The following CARS2 variants were observed in gnomAD, a reference collection of about 807,000 sequenced individuals.
CARS2 encodes the protein probable cysteine--tRNA ligase, mitochondrial.
A neutral mutation model predicts 68.8 loss-of-function variants in CARS2; 52 were observed. That is an observed-to-expected ratio of 0.76 (90% CI 0.61 to 0.95). The LOEUF is 0.95. CARS2 is among the 40% of genes least tolerant of loss of function. CARS2 has a pLI of 0.00. For synonymous variants in CARS2, 314 were observed against 303.6 expected (o/e 1.03, Z -0.36); for missense variants, 780 against 754.2 (o/e 1.03, Z -0.40).
intron 13 of CARS2, chr13:110,643,200 C>G (rs1358254359): frequency 1.7e-5 from 3 of 179,806 alleles, no homozygotes; most frequent in Admixed American, 5.5e-5. Context: ...AGACATTGGG[C>G]CTTGCGGCCA....
intron 7 of CARS2, among the ~76,000 whole-genome samples, chr13:110,669,746 C>G (rs947735275): frequency 6.6e-6 from 1 of 152,032 alleles, no homozygotes; most frequent in African/African-American, 2.4e-5. Flanking sequence ...GAGTGTGAGC[C>G]GAAGCAGGGT....
At chr13:110,667,536 C>T (rs949584435) in intron 7 of CARS2, 63 bp from the exon 8 acceptor site, 4 of 1,506,934 alleles carry the variant, frequency 2.7e-6, no homozygotes, top group African/African-American at 1.4e-5. Flanking sequence ...CTTCTAACCT[C>T]GTCTATTTAT....
chr13:110,646,066 C>T lies in CARS2; in HGVS notation c.1218G>A (p.Val406=), dbSNP rs144612077. The T allele has an allele frequency of 1.2e-6, 2 of 1,613,708 alleles. No individual in the cohort carries two copies. The highest frequency in any genetic ancestry group is 2.7e-5 in the African/African-American group (2 of 74,922). Residue 406 remains valine (V), a synonymous_variant, in exon 12 of 15, where the codon GTG becomes GTA. Coordinates refer to ENST00000257347, the MANE Select transcript of CARS2 (RefSeq NM_024537.4). ...WERLSSTKRA[V]KAALADDFDT... ...CAAAATCATCTGCCAAGGCCGCCTT[C>T]ACGGCCCTCTTGGTGCTGGAGAGCC...
intron 3 of CARS2, chr13:110,688,834 C>T (rs1566326284): frequency 1.9e-5 from 3 of 156,912 alleles, no homozygotes; most frequent in Admixed American, 6.5e-5. Context: ...CACTTGAACT[C>T]AGGAGGCGGA....
intron 7 of CARS2, among the ~76,000 whole-genome samples, chr13:110,673,096 T>A (rs1157288675): frequency 3.3e-5 from 5 of 151,984 alleles, no homozygotes. Context: ...CCAGAAAAAG[T>A]CCAGGACCAG....
upstream of CARS2, among the ~76,000 whole-genome samples, chr13:110,711,440 C>T (rs2064026826): frequency 6.6e-6 from 1 of 152,230 alleles, no homozygotes; most frequent in Non-Finnish European, 1.5e-5. Flanking sequence ...TCCCGAACTC[C>T]TGATCTCAGG....
chr13:110,672,923 G>C (rs1233530824), intron 7 of CARS2, among the ~76,000 whole-genome samples: 1 of 152,160 alleles, frequency 6.6e-6, no homozygotes, highest in Admixed American at 6.5e-5. Context: ...TACCATCAGA[G>C]AATACTATAA....
chr13:110,681,302 T>TA (rs2063151080), intron 6 of CARS2, among the ~76,000 whole-genome samples: 1 of 152,216 alleles, frequency 6.6e-6, no homozygotes, highest in South Asian at 2.1e-4. Context: ...GGAAATAACA[T>TA]ACACTAAGGC....
At chr13:110,699,047 G>C (rs957662614) in intron 3 of CARS2, among the ~76,000 whole-genome samples, 1 of 152,102 alleles carries the variant, frequency 6.6e-6, no homozygotes, top group Non-Finnish European at 1.5e-5. Context: ...GGAGGGGTGG[G>C]GGCAGGGGGC....
At chr13:110,684,447 C>G (rs1339133563) in intron 5 of CARS2, among the ~76,000 whole-genome samples, 1 of 151,244 alleles carries the variant, frequency 6.6e-6, no homozygotes, top group Non-Finnish European at 1.5e-5. Flanking sequence ...TCCTCTGGTT[C>G]ATCCCCAGCA....
chr13:110,711,638 T>C (rs2064029277), intron 1 of CARS2, among the ~76,000 whole-genome samples: 1 of 152,238 alleles, frequency 6.6e-6, no homozygotes, highest in South Asian at 2.1e-4. Context: ...ATAACAGCCA[T>C]TTCCCCAAAT....
Position 110,698,815 on chromosome 13 carries a change from G to A in CARS2, c.393+2623C>T, listed in dbSNP as rs190990468. On this transcript the variant is annotated intron_variant, in intron 3 of 14. Coordinates refer to ENST00000257347, the MANE Select transcript of CARS2 (RefSeq NM_024537.4). ...GCTCAGGAGTTTGAGACCAGCCTGG[G>A]CAACATAGTGAAACCGCATCTCTAC... 2.8e-3 allele frequency among the ~76,000 whole-genome samples: 423 copies of A among 152,114 alleles called. 3 individuals carry two copies. Among genetic ancestry groups the A allele is most frequent in the Non-Finnish European group, 5.0e-3 (339 of 68,004 alleles).
chr13:110,644,118 A>T (rs1159288992), intron 13 of CARS2: 19 of 1,371,712 alleles, frequency 1.4e-5, no homozygotes, highest in Non-Finnish European at 1.7e-5. Flanking sequence ...ACGTGTGTGC[A>T]GAGCTGGCGA....
At chr13:110,695,889 T>C (rs1035034134) in intron 3 of CARS2, among the ~76,000 whole-genome samples, 3 of 152,004 alleles carry the variant, frequency 2.0e-5, no homozygotes, top group African/African-American at 7.2e-5. Flanking sequence ...CAACCCGTCA[T>C]CTACATTAGG....
intron 14 of CARS2, among the ~76,000 whole-genome samples, chr13:110,641,866 A>T (rs979191293): frequency 5.9e-5 from 9 of 152,012 alleles, no homozygotes; most frequent in African/African-American, 2.2e-4. Flanking sequence ...CCCCTCCCTC[A>T]CGGCCCTCCC....
At chr13:110,651,826 C>T (rs1198062611) in intron 9 of CARS2, among the ~76,000 whole-genome samples, 4 of 152,226 alleles carry the variant, frequency 2.6e-5, no homozygotes, top group Non-Finnish European at 5.9e-5. Flanking sequence ...TCAGCAAAAC[C>T]TCCTGTGGGG....
At position 110,712,810 on chromosome 13, in the gene CARS2, C is replaced by G. The variant is rs542739889; in HGVS notation, n.399+327G>C. 9.4e-5 allele frequency: 76 copies of G among 811,468 alleles called. 2 individuals are homozygous for G. In the East Asian group the frequency reaches 1.9e-3, roughly 20 times the overall value. The allele number at this position is 811,468 out of a possible 1,614,324, so 50.3% of individuals were successfully genotyped here. Reference sequence around the variant, plus strand: ...GGAAGGCGCCCCTCGGGCCTATCCACCTCTTCTGGGGCTCGGCACTAGGAA... The same window carrying G: ...GGAAGGCGCCCCTCGGGCCTATCCAGCTCTTCTGGGGCTCGGCACTAGGAA... On this transcript the variant is annotated intron_variant and non_coding_transcript_variant, in intron 1 of 2. Coordinates refer to the CARS2 transcript ENST00000485188.
intron 3 of CARS2, chr13:110,697,845 A>C (rs1301562959): frequency 4.8e-6 from 2 of 419,256 alleles, no homozygotes; most frequent in African/African-American, 4.1e-5. Context: ...TAGAACTGCT[A>C]AACAGCCCCA....
chr13:110,673,750 A>T (rs2062868062), intron 7 of CARS2, among the ~76,000 whole-genome samples: 1 of 152,014 alleles, frequency 6.6e-6, no homozygotes, highest in Non-Finnish European at 1.5e-5. Flanking sequence ...AGGGTATTCA[A>T]TTAGGAAAAG....
Sources: gnomAD v4.1 joint callset for allele counts (sites outside exome capture counted in the v4.1 genomes callset) on GRCh38, gnomAD v4.1.1 for gene constraint, MANE v1.5 for transcripts, NCBI Gene and HGNC (gene_info 2026-07-23, HGNC 2026-07-21) for gene names.